The following TAS2R1 variants were observed in gnomAD, a reference collection of about 807,000 sequenced individuals.
The protein encoded by TAS2R1 is taste 2 receptor member 1, also known as taste receptor type 2 member 1.
For synonymous variants in TAS2R1, 141 were observed against 134.2 expected, an observed-to-expected ratio of 1.05 and a Z score of -0.35; for missense variants, 370 against 353.4, an observed-to-expected ratio of 1.05 and a Z score of -0.38.
chr5:9,706,576 A>T (rs1369151405), intron 1 of TAS2R1, among the ~76,000 whole-genome samples: 2 of 152,220 alleles, frequency 1.3e-5, no homozygotes, highest in African/African-American at 4.8e-5. Flanking sequence ...GTTTTAGGGA[A>T]ATCATCTTTC....
chr5:9,799,096 C>T, the TAS2R1 span, among the ~76,000 whole-genome samples: 1 of 152,306 alleles, frequency 6.6e-6, no homozygotes, highest in South Asian at 2.1e-4. Flanking sequence ...CTCCCCCTCA[C>T]CAATGCCTGT....
At chr5:9,816,737 A>C in the TAS2R1 span, among the ~76,000 whole-genome samples, 1 of 152,194 alleles carries the variant, frequency 6.6e-6, no homozygotes, top group South Asian at 2.1e-4. Flanking sequence ...TTCACAAGCA[A>C]GCATGAAAAC....
At chr5:9,842,337 T>TTTTC in the TAS2R1 span, among the ~76,000 whole-genome samples, 1 of 148,298 alleles carries the variant, frequency 6.7e-6, no homozygotes, top group Non-Finnish European at 1.5e-5. Context: ...TTTTTTTTTT[T>TTTTC]TGAGAGACAG....
the TAS2R1 span, chr5:9,760,991 G>T: frequency 1.3e-5 from 2 of 152,134 alleles, no homozygotes; most frequent in Non-Finnish European, 2.9e-5. Flanking sequence ...TACTTGGATG[G>T]GAGAAAACTG....
chr5:9,770,346 C>A, the TAS2R1 span, among the ~76,000 whole-genome samples: 1 of 152,116 alleles, frequency 6.6e-6, no homozygotes, highest in South Asian at 2.1e-4. Flanking sequence ...TGAAGTAATT[C>A]TTCCAGTTTT....
the TAS2R1 span, among the ~76,000 whole-genome samples, chr5:9,856,829 A>G: frequency 6.6e-6 from 1 of 152,184 alleles, no homozygotes; most frequent in African/African-American, 2.4e-5. Flanking sequence ...AGATATCTGC[A>G]CTCCCATGTT....
chr5:9,760,653 G>C, the TAS2R1 span, among the ~76,000 whole-genome samples: 1 of 152,130 alleles, frequency 6.6e-6, no homozygotes, highest in Admixed American at 6.5e-5. Context: ...CAGTCATGAT[G>C]AAAATCCTCA....
the TAS2R1 span, among the ~76,000 whole-genome samples, chr5:9,857,931 C>A: frequency 6.6e-6 from 1 of 152,102 alleles, no homozygotes; most frequent in East Asian, 1.9e-4. Context: ...GGTGAGCAGA[C>A]CCTGGTGCCT....
At chr5:9,718,272 A>G in the TAS2R1 span, among the ~76,000 whole-genome samples, 1 of 150,260 alleles carries the variant, frequency 6.7e-6, no homozygotes. Context: ...CCCAGCCACC[A>G]TAAGTAAATT....
At chr5:9,644,690 G>A (rs1740154278) in intron 2 of TAS2R1, among the ~76,000 whole-genome samples, 1 of 152,164 alleles carries the variant, frequency 6.6e-6, no homozygotes, top group Non-Finnish European at 1.5e-5. Flanking sequence ...GGTTGGTTAA[G>A]ATTATGTAGG....
chr5:9,697,593 T>C (rs939531380), intron 1 of TAS2R1, among the ~76,000 whole-genome samples: 11 of 152,194 alleles, frequency 7.2e-5, no homozygotes, highest in African/African-American at 2.7e-4. Context: ...ATCCTATTAA[T>C]GCAAGACTAG....
intron 1 of TAS2R1, among the ~76,000 whole-genome samples, chr5:9,660,244 T>C (rs1201918423): frequency 7.0e-6 from 1 of 143,136 alleles, no homozygotes; most frequent in Non-Finnish European, 1.5e-5. Context: ...TTTTTTTTTT[T>C]TTTTTGTATT....
the TAS2R1 span, among the ~76,000 whole-genome samples, chr5:9,739,383 T>G: frequency 6.6e-6 from 1 of 152,234 alleles, no homozygotes; most frequent in Non-Finnish European, 1.5e-5. Flanking sequence ...AACCTACCCC[T>G]GGAGGCACTA....
At chr5:9,806,811 A>C in the TAS2R1 span, among the ~76,000 whole-genome samples, 1 of 152,094 alleles carries the variant, frequency 6.6e-6, no homozygotes. Flanking sequence ...AGAAGATAAC[A>C]TCAGAAAAAC....
At chr5:9,773,183 G>A in the TAS2R1 span, among the ~76,000 whole-genome samples, 19 of 151,672 alleles carry the variant, frequency 1.3e-4, no homozygotes, top group African/African-American at 4.1e-4. Flanking sequence ...TCTGTCATAT[G>A]TTTTTTGATT....
the TAS2R1 span, among the ~76,000 whole-genome samples, chr5:9,777,458 C>G: frequency 6.6e-6 from 1 of 152,240 alleles, no homozygotes; most frequent in Non-Finnish European, 1.5e-5. Flanking sequence ...AATTCAGTCG[C>G]ATCTTCGGGC....
intron 1 of TAS2R1, among the ~76,000 whole-genome samples, chr5:9,708,373 T>C (rs1466173030): frequency 6.6e-6 from 1 of 152,212 alleles, no homozygotes; most frequent in African/African-American, 2.4e-5. Flanking sequence ...ATGGTTTTCT[T>C]CTACAAAAAC....
the TAS2R1 span, among the ~76,000 whole-genome samples, chr5:9,837,704 A>G: frequency 6.6e-6 from 1 of 152,118 alleles, no homozygotes; most frequent in Admixed American, 6.5e-5. Context: ...TCATTTCTTT[A>G]ACAAATGCCT....
At chr5:9,771,035 C>T in the TAS2R1 span, among the ~76,000 whole-genome samples, 1 of 152,090 alleles carries the variant, frequency 6.6e-6, no homozygotes, top group Non-Finnish European at 1.5e-5. Context: ...GTGCATTTGT[C>T]GTATATGGCT....
Sources: allele counts gnomAD v4.1 joint callset (sites outside exome capture counted in the v4.1 genomes callset), GRCh38; gene constraint gnomAD v4.1.1; transcripts MANE v1.5; gene names NCBI Gene and HGNC (gene_info 2026-07-23, HGNC 2026-07-21).